Variants in BCOR observed in about 807,000 individuals in gnomAD.
The protein encoded by BCOR is BCL-6 corepressor.
In BCOR, 10 loss-of-function variants were observed where a neutral mutation model predicts 86.7. That is an observed-to-expected ratio of 0.12 (90% CI 0.07 to 0.20). BCOR has a LOEUF of 0.20. Among genes scored for constraint, BCOR ranks in the 10% least tolerant of loss-of-function variants. BCOR has a pLI of 1.00. For missense variants in BCOR, 1,259 were observed against 1,452.1 expected, an observed-to-expected ratio of 0.87 and a Z score of 2.16; for synonymous variants, 611 against 609.0, an observed-to-expected ratio of 1.00 and a Z score of -0.05.
intron 1 of BCOR, among the ~76,000 whole-genome samples, chrX:40,149,954 T>C: frequency 8.9e-6 from 1 of 112,421 alleles, no homozygotes; most frequent in Non-Finnish European, 1.9e-5. Context: ...CCTAAAGGCC[T>C]GGTGATGGCT....
At chrX:40,144,402 G>A (rs1392829952) in intron 1 of BCOR, among the ~76,000 whole-genome samples, 1 of 111,675 alleles carries the variant, frequency 9.0e-6, no homozygotes, top group Non-Finnish European at 1.9e-5. Flanking sequence ...GTGTGAAGTT[G>A]CCCCAAAATG....
chrX:40,077,058 T>TA (rs1221495060), intron 2 of BCOR: 3 of 252,452 alleles, frequency 1.2e-5, no homozygotes, highest in South Asian at 3.8e-5. Context: ...TCCATGGTGA[T>TA]AAAAAAGCCA....
intron 1 of BCOR, among the ~76,000 whole-genome samples, chrX:40,155,792 C>A (rs1048827199): frequency 8.9e-6 from 1 of 112,862 alleles, no homozygotes; most frequent in African/African-American, 3.2e-5. Context: ...CCCCGCCAGG[C>A]GCGATCCATC....
chrX:40,073,869 C>G lies in BCOR; in HGVS notation c.1477G>C (p.Gly493Arg), dbSNP rs751631619. The change falls in exon 4 of 15, where the codon GGT becomes CGT. Residue 493 changes from glycine to arginine, a missense_variant. Around this residue, in one of 7 missense-constraint regions of BCOR, gnomAD observed 534 missense variants for 594.8 expected, o/e 0.90. Coordinates refer to ENST00000378444, the MANE Select transcript of BCOR (RefSeq NM_001123385.2). ...ATTTCAGATCTATAGATAGCACAACCATTTCCTGGAGGAGATAGTGTTTCT... is the reference window on the plus strand; with the variant it reads ...ATTTCAGATCTATAGATAGCACAACGATTTCCTGGAGGAGATAGTGTTTCT... ...PKETLSPPGN[G>R]CAIYRSEIIS... 1.7e-6 allele frequency: 2 copies of G among 1,211,199 alleles called. No individual in the cohort carries two copies. The highest frequency in any genetic ancestry group is 1.7e-5 in the African/African-American group (1 of 57,521).
At chrX:40,142,657 G>A (rs1046813737) in intron 1 of BCOR, among the ~76,000 whole-genome samples, 6 of 111,928 alleles carry the variant, frequency 5.4e-5, no homozygotes, top group African/African-American at 2.0e-4. Context: ...TCATTTTTCT[G>A]CAGCCAACAC....
chrX:40,062,581 AACTTC>A (rs1469571656), intron 9 of BCOR, among the ~76,000 whole-genome samples, 160 bp downstream of exon 9: 1 of 109,378 alleles, frequency 9.1e-6, no homozygotes, highest in Non-Finnish European at 1.9e-5. Flanking sequence ...ACTAGTTTGA[AACTTC>A]GCTGCCACCC....
chrX:40,150,192 G>A lies in BCOR; in HGVS notation c.-41+26815C>T, dbSNP rs1402270751. ...AAACAAGGTTCTCACAGACTGATGG[G>A]GTAGGAGTGAAGGAGAATAAACATC... On this transcript the variant is annotated intron_variant, in intron 1 of 14. Transcript: ENST00000342274. 4.5e-5 allele frequency among the ~76,000 whole-genome samples: 5 copies of A among 112,349 alleles called. No individual in the cohort carries two copies. In the South Asian group the frequency reaches 1.8e-3, roughly 41 times the overall value.
Position 40,052,139 on chromosome X carries a change from G to C in BCOR, c.5238C>G (p.Pro1746=). ...AGTAGTTGTCTGAGGCCAGATCACT[G>C]GGGTGGAGCCACTCTACAGAGGAGC... ...LLGSSVEWLH[P]SDLASDNYW Residue 1746 remains proline (P), a synonymous_variant, in exon 15 of 15, where the codon CCC becomes CCG. Coordinates refer to ENST00000378444, the MANE Select transcript of BCOR (RefSeq NM_001123385.2). 1 of 1,201,602 alleles carries C rather than the reference G, an allele frequency of 8.3e-7. No homozygotes were observed. Among genetic ancestry groups the C allele is most frequent in the Non-Finnish European group, 1.1e-6 (1 of 889,905 alleles).
chrX:40,169,141 G>A (rs922480675), intron 1 of BCOR, among the ~76,000 whole-genome samples: 14 of 112,821 alleles, frequency 1.2e-4, no homozygotes, highest in African/African-American at 3.9e-4. Flanking sequence ...AACCAATTTG[G>A]AGAAATCTAA....
intron 11 of BCOR, 66 bp from the exon 12 acceptor site, chrX:40,055,579 C>G: frequency 8.6e-7 from 1 of 1,157,424 alleles, no homozygotes; most frequent in Non-Finnish European, 1.2e-6. Flanking sequence ...GCAGTTGTCT[C>G]CTTTAAAAGC....
Position 40,135,797 on chromosome X carries a change from C to T in BCOR, c.-41+41210G>A, listed in dbSNP as rs137877283. On this transcript the variant is annotated intron_variant, in intron 1 of 14. Transcript: ENST00000342274. ...AGAAGCCTCTGGTGACATCATAAAC[C>T]ATCTCGGGGAGGGTAATGTAATTAT... is the stretch of plus-strand genomic sequence containing the variant. Among the ~76,000 whole-genome samples the T allele has an allele frequency of 2.6e-3, 294 of 111,973 alleles. 1 individual carries two copies. The highest frequency in any genetic ancestry group is 5.9e-3 in the Admixed American group (62 of 10,548).
At chrX:40,119,047 G>C (rs1937441523) in intron 1 of BCOR, among the ~76,000 whole-genome samples, 1 of 111,734 alleles carries the variant, frequency 8.9e-6, no homozygotes, top group Non-Finnish European at 1.9e-5. Context: ...TGGCCAGGCT[G>C]GTCTCAAACT....
chrX:40,172,597 G>A (rs1325247368), intron 1 of BCOR, among the ~76,000 whole-genome samples: 1 of 113,025 alleles, frequency 8.8e-6, no homozygotes, highest in East Asian at 2.8e-4. Context: ...CGGGTGTTGA[G>A]GGGAGAGTGA....
Position 40,055,491 on chromosome X carries a change from T to A in BCOR, c.4618A>T (p.Asn1540Tyr). ...GTRPLHDAVE[N>Y]DHLEIVRLLL... Reference sequence around the variant, plus strand: ...AGTCGGACAATTTCCAAGTGATCGTTCTCAACAGCATCGTGCAGAGGCCTA... The same window carrying A: ...AGTCGGACAATTTCCAAGTGATCGTACTCAACAGCATCGTGCAGAGGCCTA... The change falls in exon 12 of 15, where the codon AAC (asparagine) becomes TAC (tyrosine). Residue 1540 changes from asparagine (N) to tyrosine (Y), a missense_variant. By Grantham distance (143) the Asn-to-Tyr change is moderately radical (BLOSUM62 -2). Transcript: ENST00000378444. The A allele has an allele frequency of 8.3e-7, 1 of 1,211,589 alleles. No homozygotes were observed. Among genetic ancestry groups the A allele is most frequent in the Non-Finnish European group, 1.1e-6 (1 of 895,457 alleles).
chrX:40,074,169 A>G lies in BCOR; in HGVS notation c.1177T>C (p.Tyr393His). Residue 393 changes from tyrosine (Y) to histidine (H), a missense_variant, in exon 4 of 15, where the codon TAT becomes CAT. By Grantham distance (83) the Tyr-to-His change is moderately conservative (BLOSUM62 2). This residue lies in a region of BCOR where 534 missense variants were observed against 594.8 expected (regional missense o/e 0.90). Transcript: ENST00000378444. ...FPAARLSNGK[Y>H]PKAPEGGEGA... ...TCGCCCCCTTCCGGAGCCTTGGGAT[A>G]CTTGCCATTGGAGAGCCTGGCCGCG... The G allele has an allele frequency of 8.2e-7, 1 of 1,212,171 alleles. No individual in the cohort carries two copies. The highest frequency in any genetic ancestry group is 3.0e-5 in the East Asian group (1 of 33,838).
chrX:40,096,650 C>A (rs1003255059), intron 1 of BCOR, among the ~76,000 whole-genome samples: 16 of 112,223 alleles, frequency 1.4e-4, no homozygotes, highest in Non-Finnish European at 2.1e-4. Flanking sequence ...CCCTCGCGCA[C>A]GCACACGCCG....
intron 1 of BCOR, among the ~76,000 whole-genome samples, chrX:40,160,951 A>C (rs1267215396): frequency 1.9e-5 from 2 of 105,793 alleles, no homozygotes; most frequent in African/African-American, 6.9e-5. Context: ...TTGGGATTAC[A>C]GGCGTGAGTC....
At chrX:40,103,483 G>A (rs1398038570) in intron 1 of BCOR, among the ~76,000 whole-genome samples, 1 of 110,606 alleles carries the variant, frequency 9.0e-6, no homozygotes, top group African/African-American at 3.3e-5. Context: ...GATGAAGGAG[G>A]GGAGAAGTTC....
chrX:40,117,053 A>G (rs1299688934), intron 1 of BCOR, among the ~76,000 whole-genome samples: 1 of 112,359 alleles, frequency 8.9e-6, no homozygotes, highest in Admixed American at 9.4e-5. Flanking sequence ...AGTTTCCAAG[A>G]TAATTTAGGT....
Sources: allele counts gnomAD v4.1 joint callset (sites outside exome capture counted in the v4.1 genomes callset), GRCh38; gene constraint gnomAD v4.1.1; regional missense constraint gnomAD v4.1.1; transcripts MANE v1.5; gene names NCBI Gene and HGNC (gene_info 2026-07-23, HGNC 2026-07-21).